Variants in FRMD4B observed in about 807,000 individuals in gnomAD.
FRMD4B encodes the protein FERM domain-containing protein 4B.
In FRMD4B, 74 loss-of-function variants were observed where a neutral mutation model predicts 141.5. The observed-to-expected ratio is 0.52, with a 90% CI of 0.43 to 0.63. The LOEUF is 0.63. Among genes scored for constraint, FRMD4B ranks in the 30% least tolerant of loss-of-function variants. The probability of loss-of-function intolerance (pLI) is 0.00; values close to 1 mark genes in which losing one functional copy is unlikely to be tolerated. For missense variants in FRMD4B, 1,366 were observed against 1,253.4 expected (o/e 1.09, Z -1.36); for synonymous variants, 506 against 467.9 (o/e 1.08, Z -1.05).
At chr3:69,181,799 T>G in intron 20 of FRMD4B, 89 bp from the exon 21 acceptor site, 5 of 724,174 alleles carry the variant, frequency 6.9e-6, no homozygotes, top group Non-Finnish European at 1.1e-5. Flanking sequence ...AATGACTGAA[T>G]AGCTCGTGAA....
At chr3:69,283,970 CA>C (rs146536193) in intron 5 of FRMD4B, among the ~76,000 whole-genome samples, 2 of 137,760 alleles carry the variant, frequency 1.5e-5, no homozygotes, top group African/African-American at 5.5e-5. Flanking sequence ...CAAAACAAAA[CA>C]AAACAAAAAA....
At chr3:69,226,263 T>C (rs1033193754) in intron 7 of FRMD4B, among the ~76,000 whole-genome samples, 2 of 152,208 alleles carry the variant, frequency 1.3e-5, no homozygotes, top group African/African-American at 4.8e-5. Flanking sequence ...CTGAGAGTTA[T>C]GGCTTAACCA....
At position 69,197,047 on chromosome 3, in the gene FRMD4B, T is replaced by C; in HGVS notation, c.954-9A>G. The stretch of plus-strand genomic sequence containing the variant: ...TTCTTGAAACTGAAATCCTGAAAGA[T>C]TAAAGAAAGCACTCAAATAATTCCC... On this transcript the variant is annotated splice_polypyrimidine_tract_variant and intron_variant, in intron 12 of 22. Coordinates refer to ENST00000398540, the MANE Select transcript of FRMD4B (RefSeq NM_015123.3). The C allele has an allele frequency of 6.2e-7, 1 of 1,609,000 alleles. No homozygotes were observed.
At chr3:69,371,858 C>A (rs28433425) in intron 1 of FRMD4B, among the ~76,000 whole-genome samples, 7,516 of 152,190 alleles carry the variant, frequency 0.049, 659 homozygotes, top group African/African-American at 0.17. Context: ...CTCGACCAGG[C>A]CTAGAATGTA....
intron 7 of FRMD4B, among the ~76,000 whole-genome samples, chr3:69,234,037 A>G (rs1306539086): frequency 6.6e-6 from 1 of 152,134 alleles, no homozygotes; most frequent in African/African-American, 2.4e-5. Flanking sequence ...ACTTGAGGTC[A>G]GGAGTTCCAG....
At chr3:69,252,689 A>G (rs2093470693) in intron 5 of FRMD4B, among the ~76,000 whole-genome samples, 2 of 152,212 alleles carry the variant, frequency 1.3e-5, no homozygotes, top group South Asian at 4.1e-4. Context: ...AAAGAACTCC[A>G]GGATTTCAAG....
At position 69,188,123 on chromosome 3, in the gene FRMD4B, T is replaced by C. The variant is rs1234944898; in HGVS notation, c.1772-206A>G. Among the ~76,000 whole-genome samples, 3 of 152,200 alleles carry C rather than the reference T, an allele frequency of 2.0e-5. No individual in the cohort carries two copies. In the South Asian group the frequency reaches 6.2e-4, roughly 31 times the overall value. The stretch of plus-strand genomic sequence containing the variant: ...GAAAAAACGAAAATACTGAACACTC[T>C]TCTGGGACCTGAACCATCTTTTGCC... On this transcript the variant is annotated intron_variant, in intron 18 of 22. Coordinates refer to ENST00000398540, the MANE Select transcript of FRMD4B (RefSeq NM_015123.3).
At chr3:69,194,393 C>T (rs745484893) in intron 16 of FRMD4B, among the ~76,000 whole-genome samples, 5 of 152,068 alleles carry the variant, frequency 3.3e-5, no homozygotes, top group African/African-American at 7.2e-5. Flanking sequence ...GAGATGGGTA[C>T]ACAGTGAGCA....
intron 5 of FRMD4B, among the ~76,000 whole-genome samples, chr3:69,281,905 A>C (rs2093646712): frequency 6.6e-6 from 1 of 151,392 alleles, no homozygotes; most frequent in African/African-American, 2.4e-5. Context: ...CCTTTTTCAG[A>C]CCATGCTGGA....
At chr3:69,270,563 TTTTTTC>T (rs1419585960) in intron 5 of FRMD4B, among the ~76,000 whole-genome samples, 19 of 139,026 alleles carry the variant, frequency 1.4e-4, no homozygotes, top group African/African-American at 5.0e-4. Flanking sequence ...CTTTTTTTCT[TTTTTTC>T]TTTTTTTTTT....
chr3:69,381,689 C>T (rs1178262095), intron 1 of FRMD4B, among the ~76,000 whole-genome samples: 1 of 152,176 alleles, frequency 6.6e-6, no homozygotes, highest in Admixed American at 6.5e-5. Flanking sequence ...TGATAAGCCC[C>T]TTAACTCAAA....
intron 5 of FRMD4B, among the ~76,000 whole-genome samples, chr3:69,256,492 G>A (rs1236220224): frequency 2.0e-5 from 3 of 152,094 alleles, no homozygotes; most frequent in Non-Finnish European, 4.4e-5. Flanking sequence ...GTTGATTTTC[G>A]TATTTTTAGT....
At chr3:69,472,925 C>CTTTTTTTTTTTTTTTTTTTTT (rs796453101) in intron 1 of FRMD4B, among the ~76,000 whole-genome samples, 8 of 90,906 alleles carry the variant, frequency 8.8e-5, no homozygotes, top group Admixed American at 2.3e-4. Flanking sequence ...GTGAGTCTTT[C>CTTTTTTTTTTTTTTTTTTTTT]TTTTTTTTTT....
chr3:69,395,686 G>C (rs1318484928), intron 2 of FRMD4B, among the ~76,000 whole-genome samples: 1 of 152,094 alleles, frequency 6.6e-6, no homozygotes, highest in Non-Finnish European at 1.5e-5. Context: ...TAACTTTTTA[G>C]GATAGGAACA....
At chr3:69,266,118 T>C (rs1309645584) in intron 5 of FRMD4B, among the ~76,000 whole-genome samples, 1 of 151,920 alleles carries the variant, frequency 6.6e-6, no homozygotes, top group Non-Finnish European at 1.5e-5. Flanking sequence ...GGGAGAATCA[T>C]TTGAGCCTGG....
chr3:69,435,161 A>G (rs1460732090), intron 1 of FRMD4B, among the ~76,000 whole-genome samples: 2 of 152,168 alleles, frequency 1.3e-5, no homozygotes, highest in Non-Finnish European at 2.9e-5. Flanking sequence ...GGACTTCACT[A>G]TATCAATCTA....
rs1313579870 is a variant in FRMD4B, at chr3:69,423,715, C to G, written c.-1+8919G>C. Among the ~76,000 whole-genome samples the G allele has an allele frequency of 5.3e-5, 8 of 151,922 alleles. No individual in the cohort carries two copies. In the East Asian group the frequency reaches 1.5e-3, roughly 29 times the overall value. On this transcript the variant is annotated intron_variant, in intron 2 of 5. Coordinates refer to the FRMD4B transcript ENST00000459638. ...GGATTAGTGCCCTCATGAAAGAGGC[C>G]CCAGAGAGCTGCCTTACCCCTTCTA...
intron 1 of FRMD4B, among the ~76,000 whole-genome samples, chr3:69,473,371 T>A (rs552452973): frequency 4.6e-5 from 7 of 152,236 alleles, no homozygotes; most frequent in African/African-American, 1.7e-4. Flanking sequence ...AGGGTTAGAA[T>A]AAATAAAGGC....
At chr3:69,414,471 C>T (rs1704815384) in intron 2 of FRMD4B, among the ~76,000 whole-genome samples, 1 of 152,214 alleles carries the variant, frequency 6.6e-6, no homozygotes, top group Non-Finnish European at 1.5e-5. Context: ...GAAAATAATG[C>T]TTCTTTTTAA....
Sources: allele counts gnomAD v4.1 joint callset (sites outside exome capture counted in the v4.1 genomes callset), GRCh38; gene constraint gnomAD v4.1.1; transcripts MANE v1.5; gene names NCBI Gene and HGNC (gene_info 2026-07-23, HGNC 2026-07-21).